Variants in KCNH7 observed in about 807,000 individuals in gnomAD.
KCNH7 encodes the protein potassium voltage-gated channel subfamily H member 7.
Under a neutral mutation model 120.8 loss-of-function variants are expected in KCNH7, and 49 were observed. The ratio of observed to expected loss-of-function variants is 0.41; its 90% CI spans 0.32 to 0.51. The LOEUF (loss-of-function observed/expected upper bound fraction) is 0.51. KCNH7 is among the 20% of genes least tolerant of loss of function. The pLI, the probability that KCNH7 is intolerant of heterozygous loss-of-function variation, is 0.38. For synonymous variants in KCNH7, 547 were observed against 516.1 expected (o/e 1.06, Z -0.81); for missense variants, 1,097 against 1,446.6 (o/e 0.76, Z 3.92).
chr2:162,490,723 G>A (rs940959792), intron 6 of KCNH7, among the ~76,000 whole-genome samples: 2 of 152,150 alleles, frequency 1.3e-5, no homozygotes, highest in Non-Finnish European at 2.9e-5. Context: ...CTCAGGGCTT[G>A]GGAATGTCAG....
At chr2:162,452,841 C>T (rs1429884499) in intron 6 of KCNH7, among the ~76,000 whole-genome samples, 1 of 151,986 alleles carries the variant, frequency 6.6e-6, no homozygotes, top group African/African-American at 2.4e-5. Context: ...TGTTTAATGT[C>T]ATTTTAATAA....
rs1688062408 is a variant in KCNH7 at position 162,431,403 on chromosome 2, A to G, written c.1954+3795T>C. ...GTATGTGCATAGATAAAACCATATC[A>G]TTTTTGAATATAGTTAGATTTAACT... On this transcript the variant is annotated intron_variant, in intron 8 of 15. Coordinates refer to ENST00000332142, the MANE Select transcript of KCNH7 (RefSeq NM_033272.4). 2.6e-5 allele frequency among the ~76,000 whole-genome samples: 4 copies of G among 152,106 alleles called. No homozygotes were observed. The South Asian group carries it at 8.3e-4, about 32-fold the overall frequency.
intron 6 of KCNH7, among the ~76,000 whole-genome samples, chr2:162,462,857 T>C (rs1488097499): frequency 6.6e-6 from 1 of 152,062 alleles, no homozygotes; most frequent in African/African-American, 2.4e-5. Flanking sequence ...AACATCACAT[T>C]ATATCCCATA....
chr2:162,382,597 C>G (rs1045589268), intron 13 of KCNH7, among the ~76,000 whole-genome samples: 2 of 151,988 alleles, frequency 1.3e-5, no homozygotes, highest in African/African-American at 4.8e-5. Context: ...AATTTGTTCT[C>G]TTTTCATTTT....
At chr2:162,655,605 T>C (rs939725865) in intron 2 of KCNH7, among the ~76,000 whole-genome samples, 2 of 150,980 alleles carry the variant, frequency 1.3e-5, no homozygotes, top group African/African-American at 4.9e-5. Context: ...GCCAACAAGG[T>C]GAAACCCCAT....
intron 2 of KCNH7, among the ~76,000 whole-genome samples, chr2:162,573,229 A>G (rs941941589): frequency 9.2e-5 from 14 of 152,062 alleles, no homozygotes; most frequent in Non-Finnish European, 1.6e-4. Context: ...CAAAAGGGAA[A>G]TTATGATAAG....
At chr2:162,558,503 CTTTTTTT>C (rs71410015) in intron 2 of KCNH7, among the ~76,000 whole-genome samples, 23 of 80,692 alleles carry the variant, frequency 2.9e-4, no homozygotes, top group Non-Finnish European at 4.4e-4. Context: ...TTCTCAATGG[CTTTTTTT>C]TTTTTTTTTT....
At chr2:162,699,738 G>T (rs1030015027) in intron 2 of KCNH7, among the ~76,000 whole-genome samples, 4 of 152,068 alleles carry the variant, frequency 2.6e-5, no homozygotes, top group African/African-American at 9.7e-5. Context: ...ATAACTTAAA[G>T]GACAGCTTTT....
At chr2:162,525,095 T>G (rs1558994457) in intron 3 of KCNH7, among the ~76,000 whole-genome samples, 1 of 151,884 alleles carries the variant, frequency 6.6e-6, no homozygotes. Context: ...AGATATGAGG[T>G]TCTTTAAAGG....
At chr2:162,707,300 G>T (rs1686745640) in intron 2 of KCNH7, among the ~76,000 whole-genome samples, 1 of 151,962 alleles carries the variant, frequency 6.6e-6, no homozygotes, top group South Asian at 2.1e-4. Flanking sequence ...AAAGAACTAG[G>T]ATCATTAACC....
At chr2:162,410,237 C>T (rs1687345033) in intron 9 of KCNH7, among the ~76,000 whole-genome samples, 1 of 151,862 alleles carries the variant, frequency 6.6e-6, no homozygotes, top group African/African-American at 2.4e-5. Context: ...CAAACATAGA[C>T]TAATGGAATA....
rs528482080 is a variant in KCNH7, at chr2:162,556,248, C to T, written c.308-19168G>A. On this transcript the variant is annotated intron_variant, in intron 2 of 15. Coordinates refer to ENST00000332142, the MANE Select transcript of KCNH7 (RefSeq NM_033272.4). ...ATGTTTGTTGAATACCTACTATATT[C>T]CAGGCTCTGTTCTAAGTGCTTTGTA... Among the ~76,000 whole-genome samples, 28 of 152,132 alleles carry T rather than the reference C, an allele frequency of 1.8e-4. 1 individual carries two copies. The South Asian group carries it at 5.6e-3, about 30-fold the overall frequency.
At chr2:162,650,079 A>G (rs1211614495) in intron 2 of KCNH7, among the ~76,000 whole-genome samples, 2 of 152,102 alleles carry the variant, frequency 1.3e-5, no homozygotes, top group Non-Finnish European at 2.9e-5. Context: ...GCTCATTGCT[A>G]TTATAGATCT....
chr2:162,801,451 T>C (rs1684346028), intron 2 of KCNH7, among the ~76,000 whole-genome samples: 1 of 151,918 alleles, frequency 6.6e-6, no homozygotes, highest in Admixed American at 6.6e-5. Flanking sequence ...TTTACCATTT[T>C]TGGAAGTAAT....
intron 2 of KCNH7, among the ~76,000 whole-genome samples, chr2:162,740,837 C>G (rs538635499): frequency 2.0e-5 from 3 of 152,132 alleles, no homozygotes; most frequent in Non-Finnish European, 2.9e-5. Flanking sequence ...ATTACCATTC[C>G]AGGCCCTGCC....
chr2:162,653,382 T>G (rs1684634242), intron 2 of KCNH7, among the ~76,000 whole-genome samples: 1 of 152,182 alleles, frequency 6.6e-6, no homozygotes, highest in Non-Finnish European at 1.5e-5. Context: ...TCAGTAAAGT[T>G]GTAGTATACA....
At chr2:162,804,334 G>A (rs961961234) in intron 2 of KCNH7, among the ~76,000 whole-genome samples, 10 of 151,566 alleles carry the variant, frequency 6.6e-5, no homozygotes, top group Admixed American at 4.0e-4. Flanking sequence ...CCCTACAAAC[G>A]CCTCCAAAAG....
intron 2 of KCNH7, among the ~76,000 whole-genome samples, chr2:162,727,807 G>C (rs1410722259): frequency 6.6e-6 from 1 of 151,988 alleles, no homozygotes. Context: ...TATGAATGTA[G>C]GTATATGTTG....
intron 2 of KCNH7, among the ~76,000 whole-genome samples, chr2:162,748,096 A>T (rs1382473151): frequency 5.3e-5 from 8 of 152,206 alleles, no homozygotes. Context: ...TTTAAAAAGC[A>T]CTAAACACTA....
Sources: gnomAD v4.1 joint callset for allele counts (sites outside exome capture counted in the v4.1 genomes callset) on GRCh38, gnomAD v4.1.1 for gene constraint, MANE v1.5 for transcripts, NCBI Gene and HGNC (gene_info 2026-07-23, HGNC 2026-07-21) for gene names.